The following STAG1 variants were observed in gnomAD, a reference collection of about 807,000 sequenced individuals.
STAG1 encodes the protein STAG1 cohesin complex component, also known as cohesin subunit SA-1.
In STAG1, 26 loss-of-function variants were observed where a neutral mutation model predicts 170.9. That is an observed-to-expected ratio of 0.15 (90% CI 0.11 to 0.21). STAG1 has a LOEUF of 0.21. STAG1 is among the 10% of genes least tolerant of loss of function. The pLI is 1.00. For synonymous variants in STAG1, 514 were observed against 497.7 expected (o/e 1.03, Z -0.44); for missense variants, 964 against 1,509.5 (o/e 0.64, Z 5.99).
Position 136,555,834 on chromosome 3 carries a change from C to CA in STAG1, c.394+12930dup, listed in dbSNP as rs1360236319. ...CAAACATTCTGGAAAGAAATAATTC[C>CA]AAAAAAAAAACAGAAAAAGAAGGTA... On this transcript the variant is annotated intron_variant, in intron 5 of 33. Coordinates refer to ENST00000383202, the MANE Select transcript of STAG1 (RefSeq NM_005862.3). Among the ~76,000 whole-genome samples the CA allele has an allele frequency of 8.5e-3, 1,193 of 139,638 alleles. 14 individuals carry two copies. Among genetic ancestry groups the CA allele is most frequent in the African/African-American group, 0.026 (989 of 38,114 alleles). 91.6% of individuals were successfully genotyped at this position (139,638 alleles called of 152,430 possible).
chr3:136,559,151 A>ATCTG (rs1553745542), intron 5 of STAG1, among the ~76,000 whole-genome samples: 54 of 152,010 alleles, frequency 3.6e-4, no homozygotes, highest in Admixed American at 1.7e-3. Context: ...CTATCTATCT[A>ATCTG]TCTATCTATC....
intron 1 of STAG1, among the ~76,000 whole-genome samples, chr3:136,684,776 C>CAA (rs772542086): frequency 8.5e-4 from 54 of 63,426 alleles, no homozygotes; most frequent in Admixed American, 3.1e-3. Context: ...ACCCTGTCTC[C>CAA]AAAAAAAAAA....
intron 5 of STAG1, among the ~76,000 whole-genome samples, chr3:136,567,221 GTTGA>G (rs994263142): frequency 2.0e-5 from 3 of 152,210 alleles, no homozygotes; most frequent in South Asian, 2.1e-4. Flanking sequence ...CAACAGGTCT[GTTGA>G]TTAATAGGAC....
At chr3:136,617,409 T>G (rs879824231) in intron 3 of STAG1, among the ~76,000 whole-genome samples, 1 of 152,212 alleles carries the variant, frequency 6.6e-6, no homozygotes, top group Non-Finnish European at 1.5e-5. Flanking sequence ...ACAAAGTCCA[T>G]ATATTTTATA....
chr3:136,470,899 T>C (rs556194767), intron 12 of STAG1, among the ~76,000 whole-genome samples: 3 of 149,234 alleles, frequency 2.0e-5, no homozygotes, highest in South Asian at 2.1e-4. Flanking sequence ...AACCAAACAC[T>C]GCATGTTCTC....
chr3:136,472,976 C>G (rs1298340263), intron 11 of STAG1, among the ~76,000 whole-genome samples: 1 of 152,134 alleles, frequency 6.6e-6, no homozygotes, highest in Admixed American at 6.5e-5. Flanking sequence ...AGCAAGTGAG[C>G]CAGTGAAGTT....
chr3:136,585,702 T>C, intron 4 of STAG1, among the ~76,000 whole-genome samples: 1 of 152,212 alleles, frequency 6.6e-6, no homozygotes, highest in Non-Finnish European at 1.5e-5. Context: ...ATCCTAGCAC[T>C]GACTCCAGAT....
intron 1 of STAG1, among the ~76,000 whole-genome samples, chr3:136,690,056 CAAAAAA>C (rs57082567): frequency 3.5e-5 from 2 of 56,406 alleles, no homozygotes; most frequent in African/African-American, 7.7e-5. Context: ...AAAAGCAAAC[CAAAAAA>C]AAAAAAAAAA....
At chr3:136,373,323 A>T (rs1456642484) in intron 23 of STAG1, among the ~76,000 whole-genome samples, 1 of 151,900 alleles carries the variant, frequency 6.6e-6, no homozygotes, top group Admixed American at 6.6e-5. Flanking sequence ...TGATTTTTTG[A>T]AGGGTTTTTT....
chr3:136,556,990 T>C (rs1936650604), intron 5 of STAG1, among the ~76,000 whole-genome samples: 1 of 152,122 alleles, frequency 6.6e-6, no homozygotes, highest in Non-Finnish European at 1.5e-5. Context: ...CCCAGCACTT[T>C]GGGAGGCTGA....
intron 15 of STAG1, 139 bp from the exon 16 acceptor site, chr3:136,433,798 C>T (rs906059014): frequency 2.0e-5 from 12 of 613,940 alleles, no homozygotes; most frequent in Non-Finnish European, 3.0e-5. Context: ...CTGTACTTTG[C>T]TATTTTTTTT....
At chr3:136,696,552 G>A (rs1372130988) in intron 1 of STAG1, among the ~76,000 whole-genome samples, 1 of 152,130 alleles carries the variant, frequency 6.6e-6, no homozygotes, top group Non-Finnish European at 1.5e-5. Flanking sequence ...TAATGAGTCA[G>A]TGTAGGTTCA....
chr3:136,372,868 G>A (rs1443275583), intron 23 of STAG1, among the ~76,000 whole-genome samples: 2 of 152,186 alleles, frequency 1.3e-5, no homozygotes, highest in African/African-American at 4.8e-5. Context: ...CTCATAAAAT[G>A]AGTTAGGGAG....
At chr3:136,450,896 G>A (rs1218611757) in intron 14 of STAG1, among the ~76,000 whole-genome samples, 1 of 151,950 alleles carries the variant, frequency 6.6e-6, no homozygotes, top group African/African-American at 2.4e-5. Context: ...TTAGGTGTGC[G>A]CCACCACGCT....
At chr3:136,727,907 T>C (rs1323761247) in intron 1 of STAG1, among the ~76,000 whole-genome samples, 3 of 152,100 alleles carry the variant, frequency 2.0e-5, no homozygotes, top group South Asian at 2.1e-4. Context: ...CCTGTAATCC[T>C]AGCACTTTGG....
intron 13 of STAG1, among the ~76,000 whole-genome samples, chr3:136,458,910 T>A (rs981392976): frequency 1.3e-5 from 2 of 151,868 alleles, no homozygotes; most frequent in South Asian, 4.1e-4. Flanking sequence ...AGACTTTAAG[T>A]CAAGAATGAT....
chr3:136,487,075 A>G (rs2090032180), intron 9 of STAG1, among the ~76,000 whole-genome samples: 1 of 145,886 alleles, frequency 6.9e-6, no homozygotes, highest in Non-Finnish European at 1.5e-5. Flanking sequence ...ACAGGTATGC[A>G]TGTGCCATGG....
Position 136,516,981 on chromosome 3 carries a change from A to G in STAG1, c.676+4232T>C, listed in dbSNP as rs190787273. Among the ~76,000 whole-genome samples the G allele has an allele frequency of 6.8e-4, 104 of 152,346 alleles. 1 individual carries two copies. The East Asian group carries it at 0.017, about 24-fold the overall frequency. On this transcript the variant is annotated intron_variant, in intron 7 of 33. Coordinates refer to ENST00000383202, the MANE Select transcript of STAG1 (RefSeq NM_005862.3). ...CAAATAAAAAGACTTCAATTTTCTG[A>G]GGCAAAATTATTTTCAGCCTCTGAT...
intron 24 of STAG1, 125 bp downstream of exon 24, chr3:136,368,983 A>T: frequency 1.1e-6 from 1 of 876,326 alleles, no homozygotes; most frequent in Non-Finnish European, 1.6e-6. Flanking sequence ...CAGCCACTGC[A>T]CCTGGCCAAC....
Sources: gnomAD v4.1 joint callset for allele counts (sites outside exome capture counted in the v4.1 genomes callset) on GRCh38, gnomAD v4.1.1 for gene constraint, MANE v1.5 for transcripts, NCBI Gene and HGNC (gene_info 2026-07-23, HGNC 2026-07-21) for gene names.